DNER: variants seen among roughly 807,000 people sequenced by gnomAD.
DNER encodes the protein delta and Notch-like epidermal growth factor-related receptor.
DNER carries 33 observed loss-of-function variants against 78.2 expected under a neutral mutation model. The ratio of observed to expected loss-of-function variants is 0.42; its 90% confidence interval spans 0.32 to 0.56. The LOEUF (loss-of-function observed/expected upper bound fraction) is 0.56. DNER is among the 20% of genes least tolerant of loss of function. The pLI, the probability that DNER is intolerant of heterozygous loss-of-function variation, is 0.11. For missense variants in DNER, 918 were observed against 975.3 expected, an observed-to-expected ratio of 0.94 and a Z score of 0.78; for synonymous variants, 417 against 384.8, an observed-to-expected ratio of 1.08 and a Z score of -0.98.
At chr2:229,620,777 G>A (rs1308009397) in intron 1 of DNER, among the ~76,000 whole-genome samples, 44 of 152,226 alleles carry the variant, frequency 2.9e-4, no homozygotes, top group Admixed American at 2.9e-3. Flanking sequence ...AAGTCTTTAA[G>A]GGGTGATGAG....
intron 11 of DNER, among the ~76,000 whole-genome samples, chr2:229,371,701 C>T (rs1205513831): frequency 6.6e-6 from 1 of 152,178 alleles, no homozygotes; most frequent in Non-Finnish European, 1.5e-5. Context: ...AAAAGAGACT[C>T]CAGTCAATTT....
intron 5 of DNER, among the ~76,000 whole-genome samples, chr2:229,527,714 A>C (rs1442211193): frequency 6.6e-6 from 1 of 152,196 alleles, no homozygotes; most frequent in African/African-American, 2.4e-5. Context: ...AAAAGCAAAA[A>C]CTTCATAATA....
intron 8 of DNER, among the ~76,000 whole-genome samples, chr2:229,426,740 C>A (rs1693887014): frequency 6.6e-6 from 1 of 152,176 alleles, no homozygotes; most frequent in Non-Finnish European, 1.5e-5. Context: ...CAGAGGCAAG[C>A]ATCTGGGCTC....
intron 8 of DNER, among the ~76,000 whole-genome samples, chr2:229,440,250 A>G (rs1239776245): frequency 6.6e-6 from 1 of 152,172 alleles, no homozygotes; most frequent in African/African-American, 2.4e-5. Context: ...TGCCCCCACA[A>G]CTTACAATCA....
intron 1 of DNER, among the ~76,000 whole-genome samples, chr2:229,609,414 A>G (rs886838829): frequency 2.0e-5 from 3 of 152,194 alleles, no homozygotes; most frequent in African/African-American, 7.2e-5. Flanking sequence ...AAGAAGGTTA[A>G]TATTCCAAAT....
In DNER at chr2:229,418,099, G is replaced by A; in HGVS notation, c.1609+9C>T. 6.2e-7 allele frequency: 1 copy of A among 1,614,094 alleles called. No homozygotes were observed. Among genetic ancestry groups the A allele is most frequent in the Non-Finnish European group, 8.5e-7 (1 of 1,179,990 alleles). On this transcript the variant is annotated intron_variant, in intron 9 of 12. Transcript: ENST00000341772. Reference sequence around the variant, plus strand: ...CATTCTGGCACAGGAAGGCCAGGCGGCCTCTCACCTTTGTATTCTGCCAGG... The same window carrying A: ...CATTCTGGCACAGGAAGGCCAGGCGACCTCTCACCTTTGTATTCTGCCAGG...
intron 3 of DNER, 26 bp downstream of exon 3, chr2:229,588,368 C>G (rs747152389): frequency 1.2e-6 from 2 of 1,608,992 alleles, no homozygotes; most frequent in Non-Finnish European, 1.7e-6. Flanking sequence ...TCACTCTTAA[C>G]AGTTTGTAAC....
chr2:229,708,655 T>G (rs1699864832), intron 1 of DNER, among the ~76,000 whole-genome samples: 1 of 152,226 alleles, frequency 6.6e-6, no homozygotes, highest in South Asian at 2.1e-4. Context: ...GACTAGGTTT[T>G]CTTTCTTGTT....
At chr2:229,587,092 G>T in intron 3 of DNER, 1 of 699,906 alleles carries the variant, frequency 1.4e-6, no homozygotes, top group Non-Finnish European at 1.8e-6. Context: ...AAAAACAAAA[G>T]CATTTAACGA....
chr2:229,456,455 C>T (rs953125527), intron 7 of DNER, among the ~76,000 whole-genome samples: 5 of 151,598 alleles, frequency 3.3e-5, no homozygotes, highest in African/African-American at 7.3e-5. Flanking sequence ...AGGGCAGGTG[C>T]TCCAGGGTCT....
rs890477655 is a variant in DNER, at chr2:229,684,739, G to C, written c.276+29409C>G. Among the ~76,000 whole-genome samples, 3 of 152,234 alleles carry C rather than the reference G, an allele frequency of 2.0e-5. No individual in the cohort carries two copies. In the South Asian group the frequency reaches 6.2e-4, roughly 32 times the overall value. On this transcript the variant is annotated intron_variant, in intron 1 of 12. Coordinates refer to ENST00000341772, the MANE Select transcript of DNER (RefSeq NM_139072.4). Reference sequence around the variant, plus strand: ...AGTTTTCTTGGAGGTGGACAGACCTGGCTGTACTTTCTACCATAATCTGCG... The same window carrying C: ...AGTTTTCTTGGAGGTGGACAGACCTCGCTGTACTTTCTACCATAATCTGCG...
chr2:229,421,590 TA>T (rs1165452889), intron 8 of DNER, among the ~76,000 whole-genome samples: 7 of 146,358 alleles, frequency 4.8e-5, no homozygotes, highest in African/African-American at 1.3e-4. Flanking sequence ...ATACACAACA[TA>T]AAAAATATAT....
chr2:229,362,943 G>A (rs752209440), intron 12 of DNER, among the ~76,000 whole-genome samples: 2 of 152,218 alleles, frequency 1.3e-5, no homozygotes, highest in Non-Finnish European at 2.9e-5. Flanking sequence ...CAGATCTTGA[G>A]AAAGGCCAAA....
intron 6 of DNER, among the ~76,000 whole-genome samples, chr2:229,500,184 C>T (rs905755680): frequency 2.6e-5 from 4 of 152,172 alleles, no homozygotes; most frequent in African/African-American, 2.4e-5. Flanking sequence ...CTGCCCTCCT[C>T]GGCCTCTCAC....
intron 1 of DNER, among the ~76,000 whole-genome samples, chr2:229,620,048 G>A (rs566274060): frequency 4.4e-4 from 67 of 152,236 alleles, no homozygotes; most frequent in African/African-American, 1.5e-3. Flanking sequence ...AAGTTTCTTC[G>A]CACTTGAGAA....
In DNER at chr2:229,416,569, C is replaced by T. The variant is rs910397273; in HGVS notation, c.1609+1539G>A. Among the ~76,000 whole-genome samples the T allele has an allele frequency of 2.0e-5, 3 of 152,156 alleles. No individual in the cohort carries two copies. The East Asian group carries it at 5.8e-4, about 29-fold the overall frequency. ...ACTGTGCAATTTCCTTAGACAGCAG[C>T]CCGTAGCCATGAGATCAGTACACCC... is the stretch of plus-strand genomic sequence containing the variant. On this transcript the variant is annotated intron_variant, in intron 9 of 12. Coordinates refer to ENST00000341772, the MANE Select transcript of DNER (RefSeq NM_139072.4).
intron 1 of DNER, among the ~76,000 whole-genome samples, chr2:229,623,468 T>C (rs1698285723): frequency 6.6e-6 from 1 of 152,108 alleles, no homozygotes; most frequent in Non-Finnish European, 1.5e-5. Flanking sequence ...CCCACCCCCA[T>C]ACCTACTTGT....
chr2:229,618,125 CATAG>C (rs1264883501), intron 1 of DNER, among the ~76,000 whole-genome samples: 1 of 152,156 alleles, frequency 6.6e-6, no homozygotes, highest in Non-Finnish European at 1.5e-5. Flanking sequence ...CCTATATTCT[CATAG>C]ATACATAATG....
rs144321798 is a variant in DNER at position 229,505,177 on chromosome 2, A to AGTGTGTGTGTGTGTGTGTGT, written c.1147+7586_1147+7605dup. On this transcript the variant is annotated intron_variant, in intron 6 of 12. Coordinates refer to ENST00000341772, the MANE Select transcript of DNER (RefSeq NM_139072.4). ...AGGCTTGAGGATTATGTGTTGCTGC[A>AGTGTGTGTGTGTGTGTGTGT]GTGTGTGTGTGTGTGTGTGTGTGTG... 4.1e-3 allele frequency among the ~76,000 whole-genome samples: 513 copies of AGTGTGTGTGTGTGTGTGTGT among 126,494 alleles called. 7 individuals carry two copies. Among genetic ancestry groups the AGTGTGTGTGTGTGTGTGTGT allele is most frequent in the African/African-American group, 6.1e-3 (207 of 34,150 alleles). The allele number at this position is 126,494 out of a possible 152,430, so 83.0% of individuals were successfully genotyped here.
Sources: gnomAD v4.1 joint callset for allele counts (sites outside exome capture counted in the v4.1 genomes callset) on GRCh38, gnomAD v4.1.1 for gene constraint, MANE v1.5 for transcripts, NCBI Gene and HGNC (gene_info 2026-07-23, HGNC 2026-07-21) for gene names.